The following CXCL13 variants were observed in gnomAD, a reference collection of about 807,000 sequenced individuals.
CXCL13 encodes the protein C-X-C motif chemokine ligand 13, also known as C-X-C motif chemokine 13.
In CXCL13, 7 loss-of-function variants were observed where a neutral mutation model predicts 12.2. That is an observed-to-expected ratio of 0.57 (90% confidence interval 0.33 to 1.07). The LOEUF is 1.07. Among genes scored for constraint, CXCL13 ranks in the 50% least tolerant of loss-of-function variants. The pLI is 0.04. For missense variants in CXCL13, 113 were observed against 127.4 expected, an observed-to-expected ratio of 0.89 and a Z score of 0.55; for synonymous variants, 47 against 42.4, an observed-to-expected ratio of 1.11 and a Z score of -0.42.
intron 1 of CXCL13, among the ~76,000 whole-genome samples, chr4:77,554,500 G>A (rs151122091): frequency 2.4e-4 from 36 of 152,164 alleles, no homozygotes; most frequent in Non-Finnish European, 4.7e-4. Flanking sequence ...GTAATACTTG[G>A]GAATTTCAAA....
At chr4:77,552,280 CA>C (rs774583083) in intron 1 of CXCL13, among the ~76,000 whole-genome samples, 1 of 151,968 alleles carries the variant, frequency 6.6e-6, no homozygotes, top group Non-Finnish European at 1.5e-5. Flanking sequence ...ATAATAATAA[CA>C]TTTTTTTCCC....
chr4:77,565,395 T>A (rs1287371488), intron 1 of CXCL13, among the ~76,000 whole-genome samples: 1 of 152,168 alleles, frequency 6.6e-6, no homozygotes, highest in African/African-American at 2.4e-5. Context: ...ATACTGGTAT[T>A]TGGTGTTTGT....
intron 1 of CXCL13, among the ~76,000 whole-genome samples, chr4:77,530,971 T>G (rs1261232906): frequency 6.6e-6 from 1 of 152,074 alleles, no homozygotes; most frequent in Admixed American, 6.5e-5. Flanking sequence ...TCTGGTATCT[T>G]GTGTCTTTGT....
chr4:77,552,743 C>A (rs962057144), intron 1 of CXCL13, among the ~76,000 whole-genome samples: 29 of 152,368 alleles, frequency 1.9e-4, no homozygotes, highest in African/African-American at 6.7e-4. Flanking sequence ...ACCCCAAGTT[C>A]TCTGCATGGG....
rs1180717767 is a variant in CXCL13, at chr4:77,541,952, G to T, written c.-43+30164G>T. Among the ~76,000 whole-genome samples the T allele has an allele frequency of 2.0e-5, 3 of 151,920 alleles. No homozygotes were observed. In the East Asian group the frequency reaches 5.8e-4, roughly 29 times the overall value. ...ACCTACTTGGTTAGATTATTCCTAG[G>T]TGGGTTTTTTTGTGGCTATTGTGAA... On this transcript the variant is annotated intron_variant, in intron 1 of 4. Coordinates refer to the CXCL13 transcript ENST00000286758.
chr4:77,520,118 C>T (rs866475950), intron 1 of CXCL13, among the ~76,000 whole-genome samples: 2 of 152,120 alleles, frequency 1.3e-5, no homozygotes. Context: ...GATACTGTAG[C>T]CTTGTAGTAT....
chr4:77,539,780 C>A (rs549634110), intron 1 of CXCL13, among the ~76,000 whole-genome samples: 2 of 152,224 alleles, frequency 1.3e-5, no homozygotes, highest in South Asian at 2.1e-4. Flanking sequence ...CAGCTGCAAC[C>A]AATTATTATT....
chr4:77,593,919 A>G (rs1027754651), intron 1 of CXCL13, among the ~76,000 whole-genome samples: 10 of 152,254 alleles, frequency 6.6e-5, no homozygotes, highest in African/African-American at 2.4e-4. Context: ...TATTAAGGAC[A>G]GAACACAGAG....
chr4:77,534,758 T>G (rs552032551), intron 1 of CXCL13, among the ~76,000 whole-genome samples: 3 of 152,310 alleles, frequency 2.0e-5, no homozygotes, highest in African/African-American at 7.2e-5. Context: ...ATCTCTCATC[T>G]CCTGCCTTCA....
intron 1 of CXCL13, among the ~76,000 whole-genome samples, chr4:77,568,025 C>T (rs1725978482): frequency 6.6e-6 from 1 of 152,122 alleles, no homozygotes; most frequent in South Asian, 2.1e-4. Flanking sequence ...TCTTGAATTC[C>T]TTCCTTCATG....
At chr4:77,584,923 A>G (rs1391539068) in intron 1 of CXCL13, among the ~76,000 whole-genome samples, 1 of 152,224 alleles carries the variant, frequency 6.6e-6, no homozygotes, top group African/African-American at 2.4e-5. Flanking sequence ...CCCTAAGGCC[A>G]CTTTCATGAC....
upstream of CXCL13, among the ~76,000 whole-genome samples, chr4:77,603,685 G>C (rs185508154): frequency 6.6e-6 from 1 of 152,156 alleles, no homozygotes; most frequent in African/African-American, 2.4e-5. Flanking sequence ...TGGATGGATG[G>C]ACAGATGGAT....
At chr4:77,570,443 G>A (rs149338812) in intron 1 of CXCL13, among the ~76,000 whole-genome samples, 1 of 152,264 alleles carries the variant, frequency 6.6e-6, no homozygotes, top group Non-Finnish European at 1.5e-5. Flanking sequence ...TAAAAAGTGG[G>A]CAAAGGGCTA....
At chr4:77,610,564 G>C (rs1727120660) in intron 2 of CXCL13, 50 bp from the exon 3 acceptor site, 2 of 1,342,060 alleles carry the variant, frequency 1.5e-6, no homozygotes, top group Non-Finnish European at 2.1e-6. Context: ...TAAAAGTATA[G>C]GATTGACTAA....
chr4:77,590,880 T>C (rs1286312329), intron 1 of CXCL13, among the ~76,000 whole-genome samples: 1 of 152,208 alleles, frequency 6.6e-6, no homozygotes, highest in Non-Finnish European at 1.5e-5. Flanking sequence ...TCTCATACTA[T>C]TTATTTGTTT....
chr4:77,527,423 A>G (rs1271231515), intron 1 of CXCL13, among the ~76,000 whole-genome samples: 1 of 152,184 alleles, frequency 6.6e-6, no homozygotes, highest in Non-Finnish European at 1.5e-5. Flanking sequence ...ATTGAGCTCA[A>G]GAATTCAAGA....
chr4:77,590,135 G>A (rs991141067), intron 1 of CXCL13, among the ~76,000 whole-genome samples: 3 of 152,066 alleles, frequency 2.0e-5, no homozygotes, highest in East Asian at 1.9e-4. Context: ...GCGTGGCTCC[G>A]GGAAAAGGTA....
At chr4:77,522,852 G>A (rs953399250) in intron 1 of CXCL13, among the ~76,000 whole-genome samples, 7 of 152,026 alleles carry the variant, frequency 4.6e-5, no homozygotes, top group Admixed American at 6.6e-5. Flanking sequence ...TCTACCAGTT[G>A]TTTCTTTACA....
upstream of CXCL13, among the ~76,000 whole-genome samples, chr4:77,602,397 CATA>C (rs1726900053): frequency 1.3e-5 from 2 of 152,160 alleles, no homozygotes; most frequent in African/African-American, 2.4e-5. Context: ...TTTGAATGTG[CATA>C]ATATCTTTAT....
Sources: allele counts gnomAD v4.1 joint callset (sites outside exome capture counted in the v4.1 genomes callset), GRCh38; gene constraint gnomAD v4.1.1; transcripts MANE v1.5; gene names NCBI Gene and HGNC (gene_info 2026-07-23, HGNC 2026-07-21).